RBM28: variants seen among roughly 807,000 people sequenced by gnomAD.
The protein encoded by RBM28 is RNA binding motif protein 28, also known as RNA-binding protein 28.
RBM28 carries 78 observed loss-of-function variants against 98.3 expected under a neutral mutation model. The observed-to-expected ratio is 0.79, with a 90% CI of 0.66 to 0.96. RBM28 has a LOEUF of 0.96. Among genes scored for constraint, RBM28 ranks in the 40% least tolerant of loss-of-function variants. The pLI is 0.00. For synonymous variants in RBM28, 306 were observed against 330.9 expected, an observed-to-expected ratio of 0.92 and a Z score of 0.82; for missense variants, 838 against 913.0, an observed-to-expected ratio of 0.92 and a Z score of 1.06.
rs1240514255 is a variant in RBM28 at position 128,324,589 on chromosome 7, T to G, written c.1309A>C (p.Thr437Pro). Reference protein sequence around the residue: ...QTTKVKKPTGTRNLYLAREGL... With the variant: ...QTTKVKKPTGPRNLYLAREGL... Reference sequence around the variant, plus strand: ...TCTCGGGCCAGATAGAGATTCCGGGTGCCAGTCGGCTTCTTCACCTTCGTC... The same window carrying G: ...TCTCGGGCCAGATAGAGATTCCGGGGGCCAGTCGGCTTCTTCACCTTCGTC... Residue 437 changes from threonine to proline, a missense_variant, in exon 12 of 19, where the codon ACC becomes CCC. Thr to Pro is a conservative substitution (Grantham distance 38). Coordinates refer to ENST00000223073, the MANE Select transcript of RBM28 (RefSeq NM_018077.3). The G allele has an allele frequency of 6.2e-6, 10 of 1,614,070 alleles. No individual in the cohort carries two copies. The highest frequency in any genetic ancestry group is 1.3e-5 in the African/African-American group (1 of 74,934).
At chr7:128,338,450 A>AGG (rs1247329654) in intron 4 of RBM28, 108 bp from the exon 5 acceptor site, 1 of 932,580 alleles carries the variant, frequency 1.1e-6, no homozygotes, top group East Asian at 2.5e-5. Context: ...AAATTCTGCC[A>AGG]GCAGGTCAGG....
At chr7:128,330,369 T>TC (rs1419495285) in intron 10 of RBM28, among the ~76,000 whole-genome samples, 2 of 124,088 alleles carry the variant, frequency 1.6e-5, no homozygotes, top group African/African-American at 5.9e-5. Flanking sequence ...ATGTCCCTGG[T>TC]CCTTTTTTTT....
rs1043500934 is a variant in RBM28 at position 128,303,733 on chromosome 7, G to A, written c.*7064C>T. 34 of 152,190 alleles carry A rather than the reference G, an allele frequency of 2.2e-4. No homozygotes were observed. The highest frequency in any genetic ancestry group is 6.3e-4 in the African/African-American group (26 of 41,428). 9.4% of individuals were successfully genotyped at this position (152,190 alleles called of 1,614,324 possible). A position where few individuals can be genotyped will look rare whatever the true frequency, so the allele number is the denominator to read the frequency against. ...AACAATGTATTTTCCACGTCAAGATGCCTGAACTTCCCATAACAGCTGTCA... is the reference window on the plus strand; with the variant it reads ...AACAATGTATTTTCCACGTCAAGATACCTGAACTTCCCATAACAGCTGTCA... On this transcript the variant is annotated 3_prime_UTR_variant, in exon 19 of 19. Coordinates refer to ENST00000223073, the MANE Select transcript of RBM28 (RefSeq NM_018077.3).
chr7:128,332,497 G>A (rs923294482), intron 9 of RBM28, among the ~76,000 whole-genome samples: 1 of 151,952 alleles, frequency 6.6e-6, no homozygotes, highest in Non-Finnish European at 1.5e-5. Flanking sequence ...TGGGATTACA[G>A]GCACACACCA....
chr7:128,327,743 G>A (rs185278950), intron 10 of RBM28, among the ~76,000 whole-genome samples: 21 of 152,126 alleles, frequency 1.4e-4, no homozygotes, highest in African/African-American at 4.3e-4. Context: ...CAGGTGATCC[G>A]CCTGCCTTGG....
intron 18 of RBM28, chr7:128,312,951 G>T (rs1026017883): frequency 1.8e-6 from 1 of 571,282 alleles, no homozygotes; most frequent in Non-Finnish European, 3.1e-6. Context: ...TGGGGAATAT[G>T]TAAAACAAGG....
intron 16 of RBM28, among the ~76,000 whole-genome samples, chr7:128,316,320 A>G (rs1796106585): frequency 6.6e-6 from 1 of 152,236 alleles, no homozygotes. Flanking sequence ...GAAAGAGATC[A>G]TTTGATCTGC....
At chr7:128,314,615 G>C in intron 17 of RBM28, 149 bp downstream of exon 17, 1 of 1,321,510 alleles carries the variant, frequency 7.6e-7, no homozygotes, top group Non-Finnish European at 1.1e-6. Context: ...TGGTGTTGAA[G>C]ACTCGCGTGT....
rs372698785 is a variant in RBM28 at position 128,338,754 on chromosome 7, G to A, written c.420C>T (p.Val140=). The A allele has an allele frequency of 1.1e-5, 17 of 1,610,594 alleles. No individual in the cohort carries two copies. In the South Asian group the frequency reaches 1.4e-4, roughly 14 times the overall value. ...LKTVFAQFGA[V]LEVNIPRKPD... is the part of the protein sequence containing the mutation. ...GTTTCCTAGGGATATTTACTTCCAGGACAGCTCCAAATTGAGCAAATACTG... is the reference window on the plus strand; with the variant it reads ...GTTTCCTAGGGATATTTACTTCCAGAACAGCTCCAAATTGAGCAAATACTG... Residue 140 remains valine, a synonymous_variant, in exon 4 of 19, where the codon GTC becomes GTT. Coordinates refer to ENST00000223073, the MANE Select transcript of RBM28 (RefSeq NM_018077.3).
chr7:128,315,031 C>T lies in RBM28; in HGVS notation c.1789-11G>A, dbSNP rs1257958481. ...GGATCTCATTTTTTGCTGCATAAAA[C>T]AAGAAAATGCCATCTGGTTTCTGGA... On this transcript the variant is annotated splice_polypyrimidine_tract_variant and intron_variant, in intron 16 of 18. Transcript: ENST00000223073. 1 of 1,614,170 alleles carries T rather than the reference C, an allele frequency of 6.2e-7. No individual in the cohort carries two copies. The highest frequency in any genetic ancestry group is 1.7e-5 in the Admixed American group (1 of 60,024).
chr7:128,333,079 T>C (rs359650), intron 9 of RBM28, among the ~76,000 whole-genome samples: 110,726 of 152,142 alleles, frequency 0.73, 41,373 homozygotes, highest in African/African-American at 0.88. Flanking sequence ...GAAATCTAAA[T>C]GAAAACGTGA....
rs142428009 is a variant in RBM28 at position 128,323,293 on chromosome 7, G to T, written c.1404+234C>A. Among the ~76,000 whole-genome samples the T allele has an allele frequency of 2.9e-3, 435 of 152,182 alleles. 1 individual carries two copies. Among genetic ancestry groups the T allele is most frequent in the Non-Finnish European group, 4.9e-3 (334 of 68,018 alleles). On this transcript the variant is annotated intron_variant, in intron 13 of 18. Transcript: ENST00000223073. ...GCAAACATTTACTGCCAAGCACTAGGGAAACAAATAATAAGACACAGTTCT... is the reference window on the plus strand; with the variant it reads ...GCAAACATTTACTGCCAAGCACTAGTGAAACAAATAATAAGACACAGTTCT...
chr7:128,337,301 AG>A, intron 5 of RBM28, 99 bp from the exon 6 acceptor site: 1 of 1,215,368 alleles, frequency 8.2e-7, no homozygotes, highest in East Asian at 2.4e-5. Flanking sequence ...GAACCAGTGG[AG>A]ACAAAGAAAC....
Position 128,304,703 on chromosome 7 carries a change from C to G in RBM28, c.*6094G>C, listed in dbSNP as rs1795830425. On this transcript the variant is annotated 3_prime_UTR_variant, in exon 19 of 19. Coordinates refer to ENST00000223073, the MANE Select transcript of RBM28 (RefSeq NM_018077.3). ...GGTGTTCTTCGCTTTGTGGCATTACCTCTCTGAAGTACTTTAGAGTACTTT... is the reference window on the plus strand; with the variant it reads ...GGTGTTCTTCGCTTTGTGGCATTACGTCTCTGAAGTACTTTAGAGTACTTT... The G allele has an allele frequency of 6.6e-6, 1 of 152,242 alleles. No homozygotes were observed. The highest frequency in any genetic ancestry group is 6.5e-5 in the Admixed American group (1 of 15,274). The allele number at this position is 152,242 out of a possible 1,614,324, so 9.4% of individuals were successfully genotyped here.
At position 128,310,510 on chromosome 7, in the gene RBM28, A is replaced by G. The variant is rs1311535824; in HGVS notation, c.*287T>C. On this transcript the variant is annotated 3_prime_UTR_variant, in exon 19 of 19. Coordinates refer to ENST00000223073, the MANE Select transcript of RBM28 (RefSeq NM_018077.3). The stretch of plus-strand genomic sequence containing the variant: ...TTCAGGTGTTTCCATTTGAGAAATA[A>G]AGAATAAAAATTGGTAATAATTATA... The G allele has an allele frequency of 4.7e-6, 2 of 424,414 alleles. No homozygotes were observed. The highest frequency in any genetic ancestry group is 4.0e-5 in the African/African-American group (2 of 50,614). 26.3% of individuals were successfully genotyped at this position (424,414 alleles called of 1,614,324 possible). A position where few individuals can be genotyped will look rare whatever the true frequency, so the allele number is the denominator to read the frequency against.
intron 10 of RBM28, 101 bp downstream of exon 10, chr7:128,330,718 T>C: frequency 1.1e-6 from 1 of 879,386 alleles, no homozygotes; most frequent in Admixed American, 1.7e-5. Context: ...GGATGGACTG[T>C]GAACCCCTCA....
chr7:128,332,336 C>T (rs1015676688), intron 9 of RBM28, among the ~76,000 whole-genome samples: 5 of 151,678 alleles, frequency 3.3e-5, no homozygotes, highest in Admixed American at 3.3e-4. Flanking sequence ...AGAATGAACA[C>T]AAATTGTATA....
intron 17 of RBM28, among the ~76,000 whole-genome samples, chr7:128,314,197 C>T (rs1796055460): frequency 2.6e-5 from 4 of 152,108 alleles, no homozygotes; most frequent in South Asian, 4.1e-4. Flanking sequence ...CTCCTGACCT[C>T]GTGATCCACC....
In RBM28 at chr7:128,301,214, C is replaced by T. The variant is rs1026686917; in HGVS notation, c.*9583G>A. 2.0e-5 allele frequency: 3 copies of T among 152,222 alleles called. No homozygotes were observed. Among genetic ancestry groups the T allele is most frequent in the Non-Finnish European group, 4.4e-5 (3 of 68,040 alleles). 9.4% of individuals were successfully genotyped at this position (152,222 alleles called of 1,614,324 possible). ...AAAAGACATCACAGACCCTATCTCC[C>T]GTGCTCTTTTACAGTGGCTATTTCA... On this transcript the variant is annotated 3_prime_UTR_variant, in exon 19 of 19. Coordinates refer to ENST00000223073, the MANE Select transcript of RBM28 (RefSeq NM_018077.3).
Sources: allele counts gnomAD v4.1 joint callset (sites outside exome capture counted in the v4.1 genomes callset), GRCh38; gene constraint gnomAD v4.1.1; transcripts MANE v1.5; gene names NCBI Gene and HGNC (gene_info 2026-07-23, HGNC 2026-07-21).